The following CCDC201 variants were observed in gnomAD, a reference collection of about 807,000 sequenced individuals.
CCDC201 encodes the protein coiled-coil domain containing 201.
chr7:45,875,019 T>C (rs996726923), upstream of CCDC201, among the ~76,000 whole-genome samples: 3 of 152,142 alleles, frequency 2.0e-5, no homozygotes, highest in Non-Finnish European at 4.4e-5. Flanking sequence ...AAAAGGACAC[T>C]GATGAAATAA....
chr7:45,880,908 G>C, the CCDC201 span, among the ~76,000 whole-genome samples: 1 of 152,150 alleles, frequency 6.6e-6, no homozygotes, highest in Admixed American at 6.5e-5. Context: ...GTTTGTGTTG[G>C]ACTGATGGCC....
chr7:45,882,995 G>A, the CCDC201 span, among the ~76,000 whole-genome samples: 3,507 of 152,180 alleles, frequency 0.023, 131 homozygotes, highest in African/African-American at 0.079. Flanking sequence ...GCTTTGATTC[G>A]GGTGAAGAAG....
upstream of CCDC201, among the ~76,000 whole-genome samples, chr7:45,876,116 G>C (rs1338996590): frequency 6.6e-6 from 1 of 152,204 alleles, no homozygotes; most frequent in African/African-American, 2.4e-5. Context: ...CTGGTTAGAA[G>C]GGGTCAGAGG....
At chr7:45,871,379 A>G (rs1159762469) in intron 1 of CCDC201, among the ~76,000 whole-genome samples, 1 of 152,034 alleles carries the variant, frequency 6.6e-6, no homozygotes, top group Admixed American at 6.6e-5. Context: ...TACCAGAAAA[A>G]AAAACAAAAA....
upstream of CCDC201, among the ~76,000 whole-genome samples, chr7:45,875,605 C>A (rs1009789547): frequency 9.9e-5 from 15 of 152,270 alleles, no homozygotes; most frequent in African/African-American, 3.6e-4. Flanking sequence ...AAAACAACAC[C>A]TAATGAATAA....
intron 1 of CCDC201, among the ~76,000 whole-genome samples, chr7:45,871,583 A>G (rs904705766): frequency 1.3e-5 from 2 of 152,186 alleles, no homozygotes; most frequent in African/African-American, 4.8e-5. Context: ...GCTAGACTAC[A>G]TATAAACTTA....
At chr7:45,878,764 T>C in the CCDC201 span, among the ~76,000 whole-genome samples, 1 of 152,260 alleles carries the variant, frequency 6.6e-6, no homozygotes, top group Non-Finnish European at 1.5e-5. Flanking sequence ...ATTTTTCCCA[T>C]TGTCTTGGCT....
intron 1 of CCDC201, among the ~76,000 whole-genome samples, chr7:45,872,772 C>G (rs537959143): frequency 6.6e-6 from 1 of 152,262 alleles, no homozygotes; most frequent in South Asian, 2.1e-4. Context: ...GCAAGGCTCC[C>G]GAGGACCCCA....
At chr7:45,867,166 A>C (rs976315765) in intron 1 of CCDC201, among the ~76,000 whole-genome samples, 1 of 152,228 alleles carries the variant, frequency 6.6e-6, no homozygotes, top group African/African-American at 2.4e-5. Context: ...TGCCCCTTGA[A>C]GTCTGTCCAT....
the CCDC201 span, among the ~76,000 whole-genome samples, chr7:45,878,944 T>G: frequency 6.6e-6 from 1 of 152,270 alleles, no homozygotes; most frequent in African/African-American, 2.4e-5. Context: ...TCTTTGCACA[T>G]GCATATGAGC....
Position 45,864,055 on chromosome 7 carries a change from T to G in CCDC201, c.478-884A>C, listed in dbSNP as rs947109264. 2.0e-5 allele frequency among the ~76,000 whole-genome samples: 3 copies of G among 152,106 alleles called. No homozygotes were observed. In the East Asian group the frequency reaches 5.8e-4, roughly 29 times the overall value. On this transcript the variant is annotated intron_variant, in intron 2 of 2. Transcript: ENST00000636578. ...CCAGCGAATTCCCAGTGCCCCTCCC[T>G]ACCCGAGGCAGGGGCTGCCTTCCTG...
intron 1 of CCDC201, among the ~76,000 whole-genome samples, chr7:45,869,819 AT>A (rs113136055): frequency 3.7e-3 from 525 of 140,736 alleles, no homozygotes; most frequent in Middle Eastern, 0.019. Context: ...GTTGCTCCAC[AT>A]TTTTTTTTTT....
exon 2 of CCDC201, chr7:45,866,125 C>T (rs1396114420): frequency 3.1e-5 from 6 of 196,266 alleles, no homozygotes; most frequent in African/African-American, 1.4e-4. Context: ...CAGCTCTTTG[C>T]CCGGAGGGAC....
exon 3 of CCDC201, chr7:45,860,654 TCTGAGAATGCC>T (rs1786587601): frequency 6.6e-6 from 1 of 152,216 alleles, no homozygotes; most frequent in Non-Finnish European, 1.5e-5. Flanking sequence ...TGTCCCTCAG[TCTGAGAATGCC>T]CTGTCTCCCT....
intron 2 of CCDC201, among the ~76,000 whole-genome samples, chr7:45,865,315 G>T (rs1786656392): frequency 6.6e-6 from 1 of 152,194 alleles, no homozygotes; most frequent in Non-Finnish European, 1.5e-5. Context: ...GATGGCCTCT[G>T]AGAGTAAAAA....
intron 1 of CCDC201, among the ~76,000 whole-genome samples, chr7:45,871,918 A>G (rs750684653): frequency 2.0e-5 from 3 of 152,220 alleles, no homozygotes; most frequent in South Asian, 4.1e-4. Context: ...AACACCTTCT[A>G]TGGAAGGCAG....
intron 1 of CCDC201, among the ~76,000 whole-genome samples, chr7:45,870,226 A>T (rs928317268): frequency 2.0e-5 from 3 of 152,234 alleles, no homozygotes; most frequent in East Asian, 3.8e-4. Flanking sequence ...TCTTACTTGC[A>T]TAGTGGTTTT....
At chr7:45,874,255 G>A (rs543761995), upstream of CCDC201, among the ~76,000 whole-genome samples, 4 of 152,270 alleles carry the variant, frequency 2.6e-5, no homozygotes, top group East Asian at 3.9e-4. Flanking sequence ...ATAGTTGTGG[G>A]GCAAATTGCT....
rs75861505 is a variant in CCDC201 at position 45,865,075 on chromosome 7, A to G, written c.477+961T>C. On this transcript the variant is annotated intron_variant, in intron 2 of 2. Coordinates refer to ENST00000636578, the Ensembl canonical transcript of CCDC201. ...GGGACAGGGGCACACAGGGCCTTCCAGTTCTGAGAAAGGGCTCCAAGACTG... is the reference window on the plus strand; with the variant it reads ...GGGACAGGGGCACACAGGGCCTTCCGGTTCTGAGAAAGGGCTCCAAGACTG... Among the ~76,000 whole-genome samples the G allele has an allele frequency of 4.3e-3, 659 of 152,110 alleles. 5 individuals are homozygous for G. The highest frequency in any genetic ancestry group is 0.015 in the African/African-American group (624 of 41,500).
Sources: gnomAD v4.1 joint callset for allele counts (sites outside exome capture counted in the v4.1 genomes callset) on GRCh38, gnomAD v4.1.1 for gene constraint, MANE v1.5 for transcripts, NCBI Gene and HGNC (gene_info 2026-07-23, HGNC 2026-07-21) for gene names.